RUSF1: variants seen among roughly 807,000 people sequenced by gnomAD.
RUSF1 encodes RUS family member 1.
In RUSF1, 58 loss-of-function variants were observed where a neutral mutation model predicts 63.0. The ratio of observed to expected loss-of-function variants is 0.92; its 90% CI spans 0.75 to 1.15. The LOEUF (loss-of-function observed/expected upper bound fraction) is 1.15, where lower values mean the gene tolerates loss of function less well. RUSF1 is among the 50% of genes most tolerant of loss of function. The pLI is 0.00. For synonymous variants in RUSF1, 274 were observed against 255.8 expected (o/e 1.07, Z -0.68); for missense variants, 652 against 611.0 (o/e 1.07, Z -0.71).
intron 2 of RUSF1, among the ~76,000 whole-genome samples, chr16:31,501,483 C>T (rs1344119239): frequency 6.6e-6 from 1 of 151,714 alleles, no homozygotes; most frequent in Non-Finnish European, 1.5e-5. Context: ...GTAGTCCCAG[C>T]TACTTGGGAG....
At chr16:31,493,199 C>T (rs2082582712) in intron 9 of RUSF1, 151 bp from the exon 10 acceptor site, 1 of 904,168 alleles carries the variant, frequency 1.1e-6, no homozygotes, top group South Asian at 1.4e-5. Context: ...TACCCATACA[C>T]ACCAAATCCA....
Position 31,490,758 on chromosome 16 carries a change from C to T in RUSF1, c.*77G>A, listed in dbSNP as rs1301807576. The stretch of plus-strand genomic sequence containing the variant: ...TTGCCCTAAGGAAAAATAAAGCTGC[C>T]TTTCCCCTGTCCTGCTGTGGCCAAA... On this transcript the variant is annotated 3_prime_UTR_variant, in exon 13 of 13. Coordinates refer to ENST00000327237, the MANE Select transcript of RUSF1 (RefSeq NM_022744.4). 31 of 1,521,502 alleles carry T rather than the reference C, an allele frequency of 2.0e-5. No individual in the cohort carries two copies. Among genetic ancestry groups the T allele is most frequent in the African/African-American group, 2.8e-5 (2 of 72,694 alleles). 94.3% of individuals were successfully genotyped at this position (1,521,502 alleles called of 1,614,324 possible).
chr16:31,501,080 C>A (rs1179279789), intron 2 of RUSF1, among the ~76,000 whole-genome samples: 1 of 152,172 alleles, frequency 6.6e-6, no homozygotes, highest in Non-Finnish European at 1.5e-5. Context: ...TAAACTCTTG[C>A]ATGAAAATAA....
intron 6 of RUSF1, among the ~76,000 whole-genome samples, chr16:31,494,323 C>G (rs532246786): frequency 1.6e-4 from 24 of 152,158 alleles, no homozygotes; most frequent in Admixed American, 5.2e-4. Flanking sequence ...GAGTTCAAGA[C>G]CAGCTTCGGC....
chr16:31,495,731 A>G (rs1298234953), intron 6 of RUSF1, among the ~76,000 whole-genome samples: 3 of 151,782 alleles, frequency 2.0e-5, no homozygotes, highest in Non-Finnish European at 4.4e-5. Context: ...TCCTGAGAGA[A>G]GGGACTTCCC....
In RUSF1 at chr16:31,508,391, C is replaced by A; in HGVS notation, c.-18G>T. 1 of 1,468,038 alleles carries A rather than the reference C, an allele frequency of 6.8e-7. No individual in the cohort carries two copies. The highest frequency in any genetic ancestry group is 8.9e-7 in the Non-Finnish European group (1 of 1,120,890). The allele number at this position is 1,468,038 out of a possible 1,614,324, so 90.9% of individuals were successfully genotyped here. A position where few individuals can be genotyped will look rare whatever the true frequency, so the allele number is the denominator to read the frequency against. ...TCAGCCATGCCGAGCTTTTGGATCC[C>A]AGCCCCGCCCCTGCCGCACGGTGGA... On this transcript the variant is annotated 5_prime_UTR_variant, in exon 1 of 13. Coordinates refer to ENST00000327237, the MANE Select transcript of RUSF1 (RefSeq NM_022744.4).
chr16:31,489,934 G>C lies in RUSF1; in HGVS notation c.*901C>G. On this transcript the variant is annotated 3_prime_UTR_variant, in exon 13 of 13. Transcript: ENST00000327237. ...CAGGGGCTTGGGGTTTATCCCGAGG[G>C]CACAGGGCAGCCATGTAGGGTGGAG... The C allele has an allele frequency of 2.4e-6, 2 of 841,914 alleles. No individual in the cohort carries two copies. The highest frequency in any genetic ancestry group is 3.1e-5 in the South Asian group (2 of 64,860). The allele number at this position is 841,914 out of a possible 1,614,324, so 52.2% of individuals were successfully genotyped here. A position where few individuals can be genotyped will look rare whatever the true frequency, so the allele number is the denominator to read the frequency against.
In RUSF1 at chr16:31,493,871, G is replaced by A. The variant is rs1437533539; in HGVS notation, c.768C>T (p.Cys256=). ...CCACCCTGCTTCCGGCTTACCCAGG[G>A]CAACCTGACACCAGAGGGAGCATCA... ...SLLMLPLVSG[C]PGFSLGCFFF... The change falls in exon 7 of 13, where the codon TGC becomes TGT. Residue 256 remains cysteine, a synonymous_variant. Transcript: ENST00000327237. The A allele has an allele frequency of 1.2e-6, 2 of 1,614,114 alleles. No individual in the cohort carries two copies. The highest frequency in any genetic ancestry group is 1.7e-6 in the Non-Finnish European group (2 of 1,180,058).
chr16:31,506,204 T>C (rs1476964539), intron 2 of RUSF1, among the ~76,000 whole-genome samples: 1 of 152,232 alleles, frequency 6.6e-6, no homozygotes, highest in Non-Finnish European at 1.5e-5. Context: ...ACAAACTTTG[T>C]TTCATGCACA....
chr16:31,492,152 C>G, intron 11 of RUSF1, 45 bp downstream of exon 11: 3 of 1,611,816 alleles, frequency 1.9e-6, no homozygotes, highest in Non-Finnish European at 1.7e-6. Flanking sequence ...GTCCTCTCTC[C>G]TCCCCACCCT....
At chr16:31,497,001 C>A (rs2082607399) in intron 5 of RUSF1, 51 bp from the exon 6 acceptor site, 1 of 1,428,190 alleles carries the variant, frequency 7.0e-7, no homozygotes, top group Non-Finnish European at 9.5e-7. Flanking sequence ...GTCCTGGTAA[C>A]ACAGGCACTC....
chr16:31,499,550 A>C, intron 3 of RUSF1, 25 bp from the exon 4 acceptor site: 2 of 1,551,874 alleles, frequency 1.3e-6, no homozygotes, highest in Middle Eastern at 2.4e-4. Flanking sequence ...AGGTTGTTGT[A>C]ATTTGGACTT....
intron 6 of RUSF1, 66 bp from the exon 7 acceptor site, chr16:31,494,002 G>A (rs1325941660): frequency 6.6e-7 from 1 of 1,518,896 alleles, no homozygotes; most frequent in Non-Finnish European, 9.1e-7. Context: ...GTGCCCGAGT[G>A]CCTTTCACCT....
chr16:31,496,783 C>T (rs962367622), intron 6 of RUSF1, 66 bp downstream of exon 6: 3 of 1,351,640 alleles, frequency 2.2e-6, no homozygotes, highest in African/African-American at 2.9e-5. Context: ...CCCTCCAGGG[C>T]ACTCAAGTGG....
chr16:31,500,252 A>C (rs1373819763), intron 3 of RUSF1, among the ~76,000 whole-genome samples: 1 of 152,178 alleles, frequency 6.6e-6, no homozygotes, highest in African/African-American at 2.4e-5. Flanking sequence ...TGGGAGAGGT[A>C]TCAGACACAC....
At chr16:31,492,431 A>T in intron 10 of RUSF1, 91 bp from the exon 11 acceptor site, 2 of 1,398,010 alleles carry the variant, frequency 1.4e-6, no homozygotes, top group Non-Finnish European at 1.9e-6. Context: ...GTCTGCCCCA[A>T]GACCTTGGCC....
chr16:31,492,128 G>A, intron 11 of RUSF1, 42 bp from the exon 12 acceptor site: 1 of 1,613,900 alleles, frequency 6.2e-7, no homozygotes, highest in Non-Finnish European at 8.5e-7. Context: ...GTGTCCTCCA[G>A]CAGGACAGAG....
chr16:31,499,225 A>G, intron 5 of RUSF1, 77 bp downstream of exon 5: 2 of 1,309,374 alleles, frequency 1.5e-6, no homozygotes, highest in South Asian at 2.4e-5. Flanking sequence ...TGGCAGGTAA[A>G]CTCACAGAGC....
intron 5 of RUSF1, 130 bp downstream of exon 5, chr16:31,499,172 G>A: frequency 3.6e-6 from 3 of 829,810 alleles, no homozygotes; most frequent in South Asian, 3.3e-5. Flanking sequence ...AAGGATGGTT[G>A]GGTTCGAGTA....
Sources: gnomAD v4.1 joint callset for allele counts (sites outside exome capture counted in the v4.1 genomes callset) on GRCh38, gnomAD v4.1.1 for gene constraint, MANE v1.5 for transcripts, NCBI Gene and HGNC (gene_info 2026-07-23, HGNC 2026-07-21) for gene names.